The following ZNF462 variants were observed in gnomAD, a reference collection of about 807,000 sequenced individuals.
ZNF462 encodes zinc finger PBX1-interacting protein.
ZNF462 carries 10 observed loss-of-function variants against 201.9 expected under a neutral mutation model. The observed-to-expected ratio is 0.05, with a 90% confidence interval of 0.03 to 0.08. The LOEUF (loss-of-function observed/expected upper bound fraction) is 0.08, where lower values mean the gene tolerates loss of function less well. ZNF462 is among the 10% of genes least tolerant of loss of function. ZNF462 has a pLI of 1.00. For synonymous variants in ZNF462, 1,227 were observed against 1,193.3 expected (o/e 1.03, Z -0.58); for missense variants, 2,523 against 3,168.3 (o/e 0.80, Z 4.89).
In ZNF462 at chr9:106,929,782, C is replaced by T; in HGVS notation, c.5847+23C>T. On this transcript the variant is annotated intron_variant, in intron 3 of 12. Coordinates refer to ENST00000277225, the MANE Select transcript of ZNF462 (RefSeq NM_021224.6). This position sits in a 1 kb window ranked among gnomAD's most constrained non-coding sequence, Gnocchi z 8.7. ...AGGGTAAGGATATGTTTTGATTTCC[C>T]TTCCCCCAGGAGGCCTCTCATCACT... 8 of 1,583,316 alleles carry T rather than the reference C, an allele frequency of 5.1e-6. No individual in the cohort carries two copies. Among genetic ancestry groups the T allele is most frequent in the Non-Finnish European group, 6.0e-6 (7 of 1,163,356 alleles).
chr9:106,985,621 T>C (rs552569994), intron 10 of ZNF462, among the ~76,000 whole-genome samples: 28 of 152,334 alleles, frequency 1.8e-4, no homozygotes, highest in African/African-American at 6.3e-4. Context: ...CTATTGAGTA[T>C]TTACTGAAGG....
chr9:107,000,945 T>G (rs749822842), intron 10 of ZNF462, among the ~76,000 whole-genome samples: 1 of 152,096 alleles, frequency 6.6e-6, no homozygotes, highest in Non-Finnish European at 1.5e-5. Flanking sequence ...CAGGAATCCT[T>G]GATGAATGAA....
rs756323605 is a variant in ZNF462, at chr9:106,925,398, A to T, written c.1486A>T (p.Thr496Ser). The change falls in exon 3 of 13, where the codon ACG becomes TCG. Residue 496 changes from threonine (T) to serine (S), a missense_variant. By Grantham distance (58) the Thr-to-Ser change is moderately conservative (BLOSUM62 1). This residue lies in a region of ZNF462 where 383 missense variants were observed against 453.4 expected (regional missense o/e 0.84). Transcript: ENST00000277225. This position sits in a 1 kb window ranked among gnomAD's most constrained non-coding sequence, Gnocchi z 7.9. ...GAHKQCHTGT[T>S]SDWDAVNSQS... The stretch of plus-strand genomic sequence containing the variant: ...TCACAAACAGTGTCACACGGGTACA[A>T]CGTCAGATTGGGATGCTGTGAATTC... 3 of 1,614,236 alleles carry T rather than the reference A, an allele frequency of 1.9e-6. No individual in the cohort carries two copies. Among genetic ancestry groups the T allele is most frequent in the South Asian group, 2.2e-5 (2 of 91,084 alleles).
chr9:106,893,663 C>T (rs1379887642), intron 1 of ZNF462, among the ~76,000 whole-genome samples: 1 of 152,198 alleles, frequency 6.6e-6, no homozygotes, highest in Non-Finnish European at 1.5e-5. Context: ...GCTAACAGTA[C>T]TCAGGAGACG....
At chr9:106,939,712 C>T (rs1209749029) in intron 7 of ZNF462, among the ~76,000 whole-genome samples, 2 of 152,264 alleles carry the variant, frequency 1.3e-5, no homozygotes, top group Non-Finnish European at 2.9e-5. Context: ...GAGAGGGTCT[C>T]CTCGCTAGCA....
At chr9:106,898,605 C>T (rs1828916431) in intron 1 of ZNF462, among the ~76,000 whole-genome samples, 1 of 152,034 alleles carries the variant, frequency 6.6e-6, no homozygotes, top group Non-Finnish European at 1.5e-5. Flanking sequence ...GGGAATAGCA[C>T]CCCGAGTTTG....
Position 106,899,226 on chromosome 9 carries a change from A to ATGTG in ZNF462, c.-30-24117_-30-24114dup, listed in dbSNP as rs58528960. Among the ~76,000 whole-genome samples the ATGTG allele has an allele frequency of 2.8e-4, 17 of 60,546 alleles. 1 individual carries two copies. The highest frequency in any genetic ancestry group is 0.013 in the Middle Eastern group (1 of 80). 39.7% of individuals were successfully genotyped at this position (60,546 alleles called of 152,430 possible). A position where few individuals can be genotyped will look rare whatever the true frequency, so the allele number is the denominator to read the frequency against. ...AGAGAGAGAGAGAGAATGTGTGTGT[A>ATGTG]TGTGTGTGTGTGTGGGGGGGGGGGG... On this transcript the variant is annotated intron_variant, in intron 1 of 12. Coordinates refer to ENST00000277225, the MANE Select transcript of ZNF462 (RefSeq NM_021224.6).
In ZNF462 at chr9:106,962,390, A is replaced by C. The variant is rs1831882980; in HGVS notation, c.6428-9615A>C. Among the ~76,000 whole-genome samples, 2 of 152,098 alleles carry C rather than the reference A, an allele frequency of 1.3e-5. No individual in the cohort carries two copies. The highest frequency in any genetic ancestry group is 4.8e-5 in the African/African-American group (2 of 41,432). On this transcript the variant is annotated intron_variant, in intron 7 of 12. Transcript: ENST00000277225. The surrounding 1 kb of genome is among the most constrained non-coding windows in gnomAD (Gnocchi z 4.6). ...GATGTCATTGACAAAAAATATAGAA[A>C]GACAAATGAATATGTTCCCAAGTAT...
Position 106,924,775 on chromosome 9 carries a change from T to A in ZNF462, c.863T>A (p.Val288Glu), listed in dbSNP as rs752732489. The change falls in exon 3 of 13, where the codon GTG becomes GAG. Residue 288 changes from valine to glutamate, a missense_variant. Transcript: ENST00000277225. This position sits in a 1 kb window ranked among gnomAD's most constrained non-coding sequence, Gnocchi z 6.2. ...QQQEGTNLPD[V>E]PNKSAPSPTS... Reference sequence around the variant, plus strand: ...CAAGAAGGAACTAATCTACCTGATGTGCCGAACAAGAGTGCCCCCAGCCCC... The same window carrying A: ...CAAGAAGGAACTAATCTACCTGATGAGCCGAACAAGAGTGCCCCCAGCCCC... 3.7e-6 allele frequency: 6 copies of A among 1,614,038 alleles called. No homozygotes were observed. Among genetic ancestry groups the A allele is most frequent in the Non-Finnish European group, 5.1e-6 (6 of 1,180,046 alleles).
At position 106,972,566 on chromosome 9, in the gene ZNF462, G is replaced by A. The variant is rs1252682101; in HGVS notation, c.6695+294G>A. On this transcript the variant is annotated intron_variant, in intron 8 of 12. Coordinates refer to ENST00000277225, the MANE Select transcript of ZNF462 (RefSeq NM_021224.6). This position sits in a 1 kb window ranked among gnomAD's most constrained non-coding sequence, Gnocchi z 4.8. ...GATTTCCTCCCATGCGTGGAGTGGT[G>A]TTTCCCTTCAGAGAACTGTCTCCTC... Among the ~76,000 whole-genome samples the A allele has an allele frequency of 3.9e-5, 6 of 152,188 alleles. No individual in the cohort carries two copies. The highest frequency in any genetic ancestry group is 9.7e-5 in the African/African-American group (4 of 41,448).
At chr9:106,948,200 G>C (rs1440785882) in intron 7 of ZNF462, among the ~76,000 whole-genome samples, 1 of 152,096 alleles carries the variant, frequency 6.6e-6, no homozygotes, top group Non-Finnish European at 1.5e-5. Context: ...AAGGATGTGT[G>C]GTGAGGTTAG....
chr9:106,912,085 A>G (rs953396127), intron 1 of ZNF462, among the ~76,000 whole-genome samples: 6 of 151,940 alleles, frequency 3.9e-5, no homozygotes, highest in African/African-American at 1.5e-4. Flanking sequence ...TTTCCTTTCC[A>G]TTTTACATGA....
chr9:106,936,699 T>C (rs556204506), intron 6 of ZNF462, among the ~76,000 whole-genome samples: 1 of 152,336 alleles, frequency 6.6e-6, no homozygotes, highest in South Asian at 2.1e-4. Flanking sequence ...TATTGTAAAT[T>C]ATCCAGCTGG....
Position 106,924,545 on chromosome 9 carries a change from A to C in ZNF462, c.633A>C (p.Ser211=). Reference sequence around the variant, plus strand: ...CAGACCCTGTGGTTCCGCCCGTATCACTGCAGGACCCCTGCAAGGAACTGC... The same window carrying C: ...CAGACCCTGTGGTTCCGCCCGTATCCCTGCAGGACCCCTGCAAGGAACTGC... The part of the protein sequence containing the change: ...PMPDPVVPPV[S]LQDPCKELPA... Residue 211 remains serine, a synonymous_variant, in exon 3 of 13, where the codon TCA becomes TCC. Coordinates refer to ENST00000277225, the MANE Select transcript of ZNF462 (RefSeq NM_021224.6). The surrounding 1 kb of genome is among the most constrained non-coding windows in gnomAD (Gnocchi z 6.2). 6.2e-7 allele frequency: 1 copy of C among 1,614,152 alleles called. No individual in the cohort carries two copies. The highest frequency in any genetic ancestry group is 8.5e-7 in the Non-Finnish European group (1 of 1,180,034).
At chr9:106,909,116 C>T (rs1252436730) in intron 1 of ZNF462, among the ~76,000 whole-genome samples, 1 of 150,702 alleles carries the variant, frequency 6.6e-6, no homozygotes, top group Non-Finnish European at 1.5e-5. Context: ...GCACATGCCA[C>T]TACCACCTGG....
At chr9:106,991,881 C>CACAA (rs1047460460) in intron 10 of ZNF462, among the ~76,000 whole-genome samples, 1 of 139,444 alleles carries the variant, frequency 7.2e-6, no homozygotes, top group Non-Finnish European at 1.6e-5. Context: ...CACACACACA[C>CACAA]AACAATCAAA....
At chr9:106,894,035 C>T (rs1470196413) in intron 1 of ZNF462, among the ~76,000 whole-genome samples, 1 of 152,210 alleles carries the variant, frequency 6.6e-6, no homozygotes, top group Non-Finnish European at 1.5e-5. Context: ...TTAGTATTTC[C>T]TCATTTAATC....
intron 6 of ZNF462, among the ~76,000 whole-genome samples, chr9:106,937,698 A>G (rs1342430825): frequency 2.6e-5 from 4 of 151,654 alleles, no homozygotes; most frequent in Admixed American, 6.6e-5. Context: ...TTCTAATGCA[A>G]TTGAATATAT....
At position 106,929,033 on chromosome 9, in the gene ZNF462, C is replaced by G; in HGVS notation, c.5121C>G (p.Pro1707=). 6.2e-7 allele frequency: 1 copy of G among 1,614,106 alleles called. No homozygotes were observed. Among genetic ancestry groups the G allele is most frequent in the Non-Finnish European group, 8.5e-7 (1 of 1,180,016 alleles). ...GTGCCCTGTGTGCCTACACCAACCC[C>G]ATCCGCAAAGGTCTGGCAGCCCACT... ...FKCALCAYTN[P]IRKGLAAHYQ... is the part of the protein sequence containing the mutation. The change falls in exon 3 of 13, where the codon CCC becomes CCG. Residue 1707 remains proline, a synonymous_variant. Transcript: ENST00000277225. The surrounding 1 kb of genome is among the most constrained non-coding windows in gnomAD (Gnocchi z 8.7).
Sources: allele counts gnomAD v4.1 joint callset (sites outside exome capture counted in the v4.1 genomes callset), GRCh38; gene constraint gnomAD v4.1.1; regional missense constraint gnomAD v4.1.1; non-coding constraint Gnocchi (gnomAD v3.1); transcripts MANE v1.5; gene names NCBI Gene and HGNC (gene_info 2026-07-23, HGNC 2026-07-21).